ROR1: variants seen among roughly 807,000 people sequenced by gnomAD.
ROR1 encodes ROR family WNT receptor 1, also known as inactive tyrosine-protein kinase transmembrane receptor ROR1.
ROR1 carries 19 observed loss-of-function variants against 78.8 expected under a neutral mutation model. The ratio of observed to expected loss-of-function variants is 0.24; its 90% confidence interval spans 0.17 to 0.35. The LOEUF is 0.35. Among genes scored for constraint, ROR1 ranks in the 10% least tolerant of loss-of-function variants. The pLI is 1.00. For synonymous variants in ROR1, 386 were observed against 433.6 expected, an observed-to-expected ratio of 0.89 and a Z score of 1.36; for missense variants, 917 against 1,177.8, an observed-to-expected ratio of 0.78 and a Z score of 3.24.
intron 4 of ROR1, among the ~76,000 whole-genome samples, chr1:64,131,826 T>C (rs1050872297): frequency 4.6e-5 from 7 of 151,790 alleles, no homozygotes; most frequent in African/African-American, 1.7e-4. Flanking sequence ...CACTATGTTG[T>C]CCGGGCTGGT....
At chr1:63,786,231 C>T (rs1330955886) in intron 1 of ROR1, among the ~76,000 whole-genome samples, 3 of 148,714 alleles carry the variant, frequency 2.0e-5, no homozygotes, top group Non-Finnish European at 4.5e-5. Flanking sequence ...TAAAGCATTT[C>T]CCCCCTTACG....
chr1:63,806,317 T>A lies in ROR1; in HGVS notation c.91+31809T>A, dbSNP rs74079315. On this transcript the variant is annotated intron_variant, in intron 1 of 8. Coordinates refer to ENST00000371079, the MANE Select transcript of ROR1 (RefSeq NM_005012.4). Reference sequence around the variant, plus strand: ...TAGCTTGTTTGTGACTGTCAGACTATTTTTTTTTTTTTTTTTTTGAGATGG... The same window carrying A: ...TAGCTTGTTTGTGACTGTCAGACTAATTTTTTTTTTTTTTTTTTGAGATGG... Among the ~76,000 whole-genome samples the A allele has an allele frequency of 2.1e-3, 145 of 69,168 alleles. 1 individual carries two copies. Among genetic ancestry groups the A allele is most frequent in the African/African-American group, 0.011 (60 of 5,456 alleles). The allele number at this position is 69,168 out of a possible 152,430, so 45.4% of individuals were successfully genotyped here.
At chr1:64,130,470 C>A (rs1047215215) in intron 4 of ROR1, among the ~76,000 whole-genome samples, 15 of 152,186 alleles carry the variant, frequency 9.9e-5, no homozygotes, top group African/African-American at 3.6e-4. Context: ...GACAGCTCCC[C>A]TTCCTGGATC....
intron 4 of ROR1, among the ~76,000 whole-genome samples, chr1:64,130,140 G>T (rs115104092): frequency 6.6e-6 from 1 of 152,166 alleles, no homozygotes; most frequent in African/African-American, 2.4e-5. Flanking sequence ...TGTGATATTC[G>T]ACACAGTCAC....
chr1:63,922,100 A>G (rs1237222761), intron 1 of ROR1, among the ~76,000 whole-genome samples: 1 of 152,138 alleles, frequency 6.6e-6, no homozygotes, highest in Non-Finnish European at 1.5e-5. Flanking sequence ...TTCTTTACCA[A>G]TAGAAACCCC....
At chr1:64,073,464 G>A (rs555938866) in intron 4 of ROR1, among the ~76,000 whole-genome samples, 1 of 152,294 alleles carries the variant, frequency 6.6e-6, no homozygotes, top group East Asian at 1.9e-4. Flanking sequence ...ATTTTTTGAA[G>A]ACTGGGCCCT....
intron 1 of ROR1, among the ~76,000 whole-genome samples, chr1:63,815,378 G>A (rs1421516666): frequency 1.3e-5 from 2 of 150,820 alleles, no homozygotes; most frequent in South Asian, 2.1e-4. Flanking sequence ...TTGTCTTTTT[G>A]TTTCTGGGTG....
intron 7 of ROR1, among the ~76,000 whole-genome samples, chr1:64,144,168 A>C (rs548051671): frequency 6.6e-6 from 1 of 152,320 alleles, no homozygotes; most frequent in South Asian, 2.1e-4. Context: ...GTGACTCCGG[A>C]GCTTCTCCAT....
chr1:64,093,079 A>T (rs11208353), intron 4 of ROR1, among the ~76,000 whole-genome samples: 91,604 of 151,578 alleles, frequency 0.6, 29,103 homozygotes, highest in African/African-American at 0.81. Flanking sequence ...GCTGTCATCT[A>T]AGCAACGCCG....
intron 1 of ROR1, among the ~76,000 whole-genome samples, chr1:63,950,281 G>A (rs535940172): frequency 9.8e-5 from 15 of 152,300 alleles, no homozygotes; most frequent in African/African-American, 3.4e-4. Flanking sequence ...CTGCTGTTTG[G>A]CTGTTTTTAA....
At chr1:64,111,501 A>T (rs1456636830) in intron 4 of ROR1, 1 of 152,192 alleles carries the variant, frequency 6.6e-6, no homozygotes, top group Non-Finnish European at 1.5e-5. Context: ...GAGTCCTCCC[A>T]CACTTCTTAA....
intron 1 of ROR1, among the ~76,000 whole-genome samples, chr1:63,925,804 A>G (rs1645698088): frequency 6.6e-6 from 1 of 151,188 alleles, no homozygotes; most frequent in East Asian, 1.9e-4. Flanking sequence ...TGGCTGCATA[A>G]ATGTCTTCTT....
intron 7 of ROR1, among the ~76,000 whole-genome samples, chr1:64,146,101 A>G (rs890818722): frequency 3.3e-5 from 5 of 152,200 alleles, no homozygotes; most frequent in African/African-American, 7.2e-5. Context: ...CCTGGGCCCA[A>G]TAAATCTTTC....
At chr1:64,101,249 G>A (rs1193144611) in intron 4 of ROR1, among the ~76,000 whole-genome samples, 1 of 152,104 alleles carries the variant, frequency 6.6e-6, no homozygotes, top group Non-Finnish European at 1.5e-5. Flanking sequence ...CATGCCTGAG[G>A]CCGTGGAGAG....
intron 1 of ROR1, among the ~76,000 whole-genome samples, chr1:63,976,113 G>A (rs1646158736): frequency 6.6e-6 from 1 of 152,168 alleles, no homozygotes; most frequent in Non-Finnish European, 1.5e-5. Flanking sequence ...TTAACTAACA[G>A]CATGCACAAA....
At chr1:64,144,974 A>C (rs1649435863) in intron 7 of ROR1, among the ~76,000 whole-genome samples, 1 of 152,184 alleles carries the variant, frequency 6.6e-6, no homozygotes, top group South Asian at 2.1e-4. Context: ...TGAGAAAATA[A>C]TGATATACAC....
At chr1:63,790,819 CCT>C (rs1398726864) in intron 1 of ROR1, among the ~76,000 whole-genome samples, 2 of 152,162 alleles carry the variant, frequency 1.3e-5, no homozygotes, top group Admixed American at 6.5e-5. Context: ...GGGAGCTCTT[CCT>C]CTCTCTTCTT....
chr1:63,966,114 T>C (rs1032024672), intron 1 of ROR1, among the ~76,000 whole-genome samples: 1 of 152,200 alleles, frequency 6.6e-6, no homozygotes. Flanking sequence ...TCGTTATCAT[T>C]CTTATCTTTA....
At position 64,077,965 on chromosome 1, in the gene ROR1, A is replaced by T. The variant is rs547179385; in HGVS notation, c.482+27249A>T. 1.1e-4 allele frequency among the ~76,000 whole-genome samples: 17 copies of T among 152,328 alleles called. No individual in the cohort carries two copies. The South Asian group carries it at 3.5e-3, about 32-fold the overall frequency. The stretch of plus-strand genomic sequence containing the variant: ...TGAGGGACATGGAGGTGAAAAGATG[A>T]TGTCCCTGCCCTTAACTCTCTGGTG... On this transcript the variant is annotated intron_variant, in intron 4 of 8. Transcript: ENST00000371079.
Sources: allele counts gnomAD v4.1 joint callset (sites outside exome capture counted in the v4.1 genomes callset), GRCh38; gene constraint gnomAD v4.1.1; transcripts MANE v1.5; gene names NCBI Gene and HGNC (gene_info 2026-07-23, HGNC 2026-07-21).